Variants in TRPC4AP observed in about 807,000 individuals in gnomAD.
TRPC4AP encodes the protein transient receptor potential cation channel subfamily C member 4 associated protein, also known as short transient receptor potential channel 4-associated protein.
A neutral mutation model predicts 99.0 loss-of-function variants in TRPC4AP; 45 were observed. The observed-to-expected ratio is 0.45, with a 90% CI of 0.36 to 0.58. The LOEUF is 0.58. Ranked by LOEUF, TRPC4AP falls within the 20% of genes least tolerant of loss-of-function variation. TRPC4AP has a pLI of 0.00. For missense variants in TRPC4AP, 879 were observed against 985.3 expected (o/e 0.89, Z 1.44); for synonymous variants, 408 against 385.8 (o/e 1.06, Z -0.67).
chr20:35,044,444 G>T, intron 7 of TRPC4AP, 61 bp downstream of exon 7: 19 of 1,314,294 alleles, frequency 1.4e-5, no homozygotes, highest in Non-Finnish European at 2.0e-5. Flanking sequence ...AAAAAAACTA[G>T]ATGATTTAGT....
chr20:35,033,172 C>T (rs1410712860), intron 8 of TRPC4AP, among the ~76,000 whole-genome samples: 5 of 152,032 alleles, frequency 3.3e-5, no homozygotes, highest in Non-Finnish European at 5.9e-5. Context: ...CCAACCTGGG[C>T]GACAAGAGAC....
chr20:35,051,033 TACACACACACACACACACACACAC>T (rs34091819), intron 5 of TRPC4AP, among the ~76,000 whole-genome samples: 1 of 144,886 alleles, frequency 6.9e-6, no homozygotes, highest in Non-Finnish European at 1.5e-5. Context: ...TGCTATAGCT[TACACACACACACACACACACACAC>T]ACACACACAC....
chr20:35,080,828 TCTC>T (rs1328820586), intron 1 of TRPC4AP, among the ~76,000 whole-genome samples: 6 of 151,952 alleles, frequency 3.9e-5, no homozygotes, highest in African/African-American at 1.4e-4. Flanking sequence ...TACCCTTTTA[TCTC>T]CTTAGTTTAC....
intron 3 of TRPC4AP, among the ~76,000 whole-genome samples, chr20:35,061,926 A>T (rs1384623898): frequency 1.3e-5 from 2 of 152,204 alleles, no homozygotes; most frequent in African/African-American, 2.4e-5. Flanking sequence ...AATGGGGGAA[A>T]ATATTTGCAA....
rs530177729 is a variant in TRPC4AP at position 35,008,326 on chromosome 20, G to C, written c.1595+338C>G. Among the ~76,000 whole-genome samples the C allele has an allele frequency of 8.5e-5, 13 of 152,234 alleles. 1 individual carries two copies. The South Asian group carries it at 2.5e-3, about 29-fold the overall frequency. On this transcript the variant is annotated intron_variant, in intron 13 of 18. Coordinates refer to ENST00000252015, the MANE Select transcript of TRPC4AP (RefSeq NM_015638.3). ...GCTTTCCTTTGCTGCTATAGCTCCT[G>C]GGCCAACCCTGGCTCCATTCCTTCC...
intron 3 of TRPC4AP, among the ~76,000 whole-genome samples, chr20:35,064,779 T>G (rs1352978009): frequency 6.6e-6 from 1 of 152,254 alleles, no homozygotes; most frequent in Non-Finnish European, 1.5e-5. Context: ...AACCATTTTA[T>G]AGCCTGTTTT....
chr20:35,086,091 G>C (rs1350374698), intron 1 of TRPC4AP, among the ~76,000 whole-genome samples: 1 of 150,184 alleles, frequency 6.7e-6, no homozygotes, highest in Non-Finnish European at 1.5e-5. Context: ...CAAGTAGCTG[G>C]GATTACAGGC....
intron 8 of TRPC4AP, among the ~76,000 whole-genome samples, chr20:35,021,580 T>A (rs1452520945): frequency 6.6e-6 from 1 of 152,194 alleles, no homozygotes; most frequent in Non-Finnish European, 1.5e-5. Flanking sequence ...TCATCAACTT[T>A]AACATAAAGT....
At chr20:35,084,724 ATATGTG>A (rs11469576) in intron 1 of TRPC4AP, among the ~76,000 whole-genome samples, 34 of 114,602 alleles carry the variant, frequency 3.0e-4, no homozygotes, top group African/African-American at 7.6e-4. Flanking sequence ...TTATATGCAT[ATATGTG>A]TATATGTATA....
intron 1 of TRPC4AP, among the ~76,000 whole-genome samples, chr20:35,084,698 GTATATGTATATA>G (rs2084779598): frequency 7.4e-6 from 1 of 135,706 alleles, no homozygotes; most frequent in African/African-American, 2.8e-5. Context: ...GCATATATGT[GTATATGTATATA>G]TGTTTATATG....
At chr20:35,079,233 T>G (rs1177921438) in intron 1 of TRPC4AP, among the ~76,000 whole-genome samples, 1 of 152,234 alleles carries the variant, frequency 6.6e-6, no homozygotes, top group East Asian at 1.9e-4. Context: ...ACAATCCTTA[T>G]CATATATGCA....
intron 10 of TRPC4AP, among the ~76,000 whole-genome samples, chr20:35,014,752 A>G (rs1271874116): frequency 1.3e-5 from 2 of 152,180 alleles, no homozygotes; most frequent in African/African-American, 4.8e-5. Flanking sequence ...CACCAGGCCG[A>G]TGGCTGGGTG....
At chr20:35,029,609 A>G (rs1463437556) in intron 8 of TRPC4AP, among the ~76,000 whole-genome samples, 4 of 105,140 alleles carry the variant, frequency 3.8e-5, no homozygotes, top group East Asian at 2.5e-4. Flanking sequence ...TTTCTTTACT[A>G]TATTTCCCAA....
chr20:35,021,443 A>C, intron 8 of TRPC4AP, 87 bp from the exon 9 acceptor site: 1 of 1,457,078 alleles, frequency 6.9e-7, no homozygotes, highest in Non-Finnish European at 9.3e-7. Context: ...ACAGACTTGT[A>C]GCATGGCCAT....
chr20:35,092,672 A>T lies in TRPC4AP; in HGVS notation c.110T>A (p.Ile37Asn). Residue 37 changes from isoleucine (I) to asparagine (N), a missense_variant, in exon 1 of 19, where the codon ATT (isoleucine) becomes AAT (asparagine). This residue lies in a region of TRPC4AP where 603 missense variants were observed against 631.8 expected (regional missense o/e 0.95). Transcript: ENST00000252015. ...CTGGCCCTGCCGCAGCTGCAGCAGAATGTTACCAGGCCGCGGCCGGCCGCC... is the reference window on the plus strand; with the variant it reads ...CTGGCCCTGCCGCAGCTGCAGCAGATTGTTACCAGGCCGCGGCCGGCCGCC... ...GWGGRPRPGN[I>N]LLQLRQGQLT... is the part of the protein sequence containing the mutation. 1.3e-6 allele frequency: 2 copies of T among 1,527,020 alleles called. No individual in the cohort carries two copies. Among genetic ancestry groups the T allele is most frequent in the Non-Finnish European group, 1.7e-6 (2 of 1,146,258 alleles). 94.6% of individuals were successfully genotyped at this position (1,527,020 alleles called of 1,614,324 possible).
chr20:35,032,923 C>T (rs2147330968), intron 8 of TRPC4AP, among the ~76,000 whole-genome samples: 1 of 151,164 alleles, frequency 6.6e-6, no homozygotes, highest in South Asian at 2.2e-4. Context: ...ACATTTTAGG[C>T]TGGGTGTGGT....
Position 35,068,034 on chromosome 20 carries a change from A to T in TRPC4AP, c.414+1262T>A, listed in dbSNP as rs1185445000. Among the ~76,000 whole-genome samples the T allele has an allele frequency of 2.6e-5, 4 of 152,356 alleles. No homozygotes were observed. The East Asian group carries it at 7.7e-4, about 29-fold the overall frequency. ...TATGAACCATATCTTAATAAAGCTG[A>T]TTAAAAAAAACTATGGAAAAATATC... On this transcript the variant is annotated intron_variant, in intron 3 of 18. Transcript: ENST00000252015.
chr20:35,027,388 C>T (rs2083058189), intron 8 of TRPC4AP, among the ~76,000 whole-genome samples: 1 of 152,180 alleles, frequency 6.6e-6, no homozygotes, highest in African/African-American at 2.4e-5. Flanking sequence ...TTGCATAAAT[C>T]CATTTGGTCA....
In TRPC4AP at chr20:35,021,911, C is replaced by G. The variant is rs1221947134; in HGVS notation, c.1052-555G>C. ...AACTGATGCTACTGATGCAGATGAA[C>G]ATATTATCTACAGGCAGATTTTCAT... On this transcript the variant is annotated intron_variant, in intron 8 of 18. Transcript: ENST00000252015. 2.6e-5 allele frequency among the ~76,000 whole-genome samples: 4 copies of G among 152,220 alleles called. No individual in the cohort carries two copies. The East Asian group carries it at 7.7e-4, about 29-fold the overall frequency.
Sources: allele counts gnomAD v4.1 joint callset (sites outside exome capture counted in the v4.1 genomes callset), GRCh38; gene constraint gnomAD v4.1.1; regional missense constraint gnomAD v4.1.1; transcripts MANE v1.5; gene names NCBI Gene and HGNC (gene_info 2026-07-23, HGNC 2026-07-21).